Variants in LPIN1 observed in about 807,000 individuals in gnomAD.
LPIN1 encodes lipin 1.
In LPIN1, 71 loss-of-function variants were observed where a neutral mutation model predicts 107.5. The observed-to-expected ratio is 0.66, with a 90% CI of 0.55 to 0.80. The LOEUF is 0.80. Ranked by LOEUF, LPIN1 falls within the 30% of genes least tolerant of loss-of-function variation. LPIN1 has a pLI of 0.00. For missense variants in LPIN1, 1,043 were observed against 1,160.6 expected (o/e 0.90, Z 1.47); for synonymous variants, 445 against 452.6 (o/e 0.98, Z 0.21).
At chr2:11,778,135 C>T (rs555272685) in intron 6 of LPIN1, among the ~76,000 whole-genome samples, 23 of 101,942 alleles carry the variant, frequency 2.3e-4, no homozygotes, top group Admixed American at 1.3e-3. Flanking sequence ...CCCACATGGA[C>T]GTGGGGGGGC....
chr2:11,774,647 T>C lies in LPIN1; in HGVS notation c.722+902T>C, dbSNP rs1572738068. Among the ~76,000 whole-genome samples the C allele has an allele frequency of 6.6e-6, 1 of 152,186 alleles. No homozygotes were observed. The highest frequency in any genetic ancestry group is 2.1e-4 in the South Asian group (1 of 4,832). ...GTTCATGGTGCCAGCCCTTAGAAACTCTGGGTTCCTACCTGAAGCCGGTCT... is the reference window on the plus strand; with the variant it reads ...GTTCATGGTGCCAGCCCTTAGAAACCCTGGGTTCCTACCTGAAGCCGGTCT... On this transcript the variant is annotated intron_variant, in intron 5 of 20. Transcript: ENST00000674199. This position sits in a 1 kb window ranked among gnomAD's most constrained non-coding sequence, Gnocchi z 4.4.
At position 11,815,145 on chromosome 2, in the gene LPIN1, G is replaced by A. The variant is rs766830031; in HGVS notation, c.2307G>A (p.Thr769=). 9.3e-6 allele frequency: 15 copies of A among 1,614,030 alleles called. No individual in the cohort carries two copies. Among genetic ancestry groups the A allele is most frequent in the African/African-American group, 4.0e-5 (3 of 74,922 alleles). The part of the protein sequence containing the change: ...SARAIGMADM[T]RGYLHWVNER... ...GTGCCATCGGGATGGCGGACATGAC[G>A]CGGGGCTACCTGCACTGGGTCAACG... Residue 769 remains threonine, a synonymous_variant, in exon 18 of 21, where the codon ACG becomes ACA. Coordinates refer to ENST00000674199, the MANE Select transcript of LPIN1 (RefSeq NM_001349206.2).
chr2:11,771,054 G>A lies in LPIN1; in HGVS notation c.289-318G>A, dbSNP rs1159642202. 2.6e-5 allele frequency among the ~76,000 whole-genome samples: 4 copies of A among 152,108 alleles called. No individual in the cohort carries two copies. The highest frequency in any genetic ancestry group is 5.9e-5 in the Non-Finnish European group (4 of 68,026). ...GAGTCAAAGCCCATTTTTTTCCTCT[G>A]TGCTCTGGGTATTACAGCCAAAGTT... is the stretch of plus-strand genomic sequence containing the variant. On this transcript the variant is annotated intron_variant, in intron 3 of 20. Transcript: ENST00000674199. The surrounding 1 kb of genome is among the most constrained non-coding windows in gnomAD (Gnocchi z 4.8).
At chr2:11,785,154 G>A (rs923960190) in intron 10 of LPIN1, 78 bp downstream of exon 10, 36 of 1,104,336 alleles carry the variant, frequency 3.3e-5, no homozygotes, top group Non-Finnish European at 4.2e-5. Context: ...TCCAAGGAGT[G>A]CGTGTCAAGG....
intron 1 of LPIN1, among the ~76,000 whole-genome samples, chr2:11,760,088 CG>C (rs1416524873): frequency 7.1e-6 from 1 of 141,252 alleles, no homozygotes; most frequent in African/African-American, 2.7e-5. Context: ...GACGGGGCGG[CG>C]GGGCAGAGGC....
intron 1 of LPIN1, among the ~76,000 whole-genome samples, chr2:11,695,838 G>A (rs1178796224): frequency 1.3e-5 from 2 of 152,108 alleles, no homozygotes; most frequent in Non-Finnish European, 2.9e-5. Context: ...TCCATTTTGG[G>A]TTGGTCTGTT....
At chr2:11,785,666 A>T (rs114240535) in intron 10 of LPIN1, among the ~76,000 whole-genome samples, 2,028 of 151,330 alleles carry the variant, frequency 0.013, 36 homozygotes, top group African/African-American at 0.047. Context: ...CTCTCTCACC[A>T]CTGCCTCTTT....
At chr2:11,795,384 A>C in intron 13 of LPIN1, 24 bp from the exon 14 acceptor site, 1 of 1,602,220 alleles carries the variant, frequency 6.2e-7, no homozygotes, top group Non-Finnish European at 8.5e-7. Context: ...TACTTCTGTG[A>C]CTCTTTCTTT....
At position 11,787,121 on chromosome 2, in the gene LPIN1, C is replaced by G. The variant is rs774065861; in HGVS notation, c.1597C>G (p.Pro533Ala). 1.2e-6 allele frequency: 2 copies of G among 1,614,100 alleles called. No homozygotes were observed. Among genetic ancestry groups the G allele is most frequent in the Admixed American group, 3.3e-5 (2 of 60,016 alleles). ...AVSYQQFVDN[P>A]AIIDDPNLVV... ...GTCATATCAACAGTTTGTGGACAAC[C>G]CCGCTATTATCGATGACCCCAATCT... Residue 533 changes from proline to alanine, a missense_variant, in exon 11 of 21, where the codon CCC (proline) becomes GCC (alanine). Pro to Ala is a conservative substitution (Grantham distance 27). Coordinates refer to ENST00000674199, the MANE Select transcript of LPIN1 (RefSeq NM_001349206.2).
At chr2:11,680,601 A>C (rs1420377751) in intron 1 of LPIN1, among the ~76,000 whole-genome samples, 1 of 152,098 alleles carries the variant, frequency 6.6e-6, no homozygotes. Context: ...CTGGCCTTGG[A>C]GGAGGAATAG....
At chr2:11,756,427 C>T (rs1051445015) in intron 1 of LPIN1, among the ~76,000 whole-genome samples, 1 of 152,114 alleles carries the variant, frequency 6.6e-6, no homozygotes, top group Non-Finnish European at 1.5e-5. Context: ...CTCACTCTGT[C>T]GCCCAGGCTG....
At chr2:11,722,394 C>T (rs1463738902), upstream of LPIN1, 1 of 152,264 alleles carries the variant, frequency 6.6e-6, no homozygotes, top group Non-Finnish European at 1.5e-5. Flanking sequence ...ACACTTAGAC[C>T]ATGGTTTGGT....
At chr2:11,784,173 A>G (rs1410302383) in intron 9 of LPIN1, 12 of 730,926 alleles carry the variant, frequency 1.6e-5, no homozygotes, top group Non-Finnish European at 2.4e-5. Flanking sequence ...ACGTGCTGGC[A>G]TGCACCTGTA....
chr2:11,727,170 G>T (rs1176450339), intron 1 of LPIN1, among the ~76,000 whole-genome samples: 1 of 152,178 alleles, frequency 6.6e-6, no homozygotes, highest in Admixed American at 6.5e-5. Context: ...GGATCCTGCT[G>T]CAGTAGTGAT....
intron 1 of LPIN1, among the ~76,000 whole-genome samples, chr2:11,751,498 G>A (rs1667781205): frequency 6.6e-6 from 1 of 152,186 alleles, no homozygotes; most frequent in Non-Finnish European, 1.5e-5. Context: ...ATCTTGTTTT[G>A]TATGTATCTC....
In LPIN1 at chr2:11,803,921, C is replaced by T. The variant is rs1282643530; in HGVS notation, c.2014-502C>T. Among the ~76,000 whole-genome samples, 1 of 152,122 alleles carries T rather than the reference C, an allele frequency of 6.6e-6. No homozygotes were observed. Among genetic ancestry groups the T allele is most frequent in the African/African-American group, 2.4e-5 (1 of 41,396 alleles). ...TCTGGATATGAGGCATGACTGATAA[C>T]CAAGACTTCTCTTTTTCCAATTCGT... On this transcript the variant is annotated intron_variant, in intron 15 of 20. Transcript: ENST00000674199. The surrounding 1 kb of genome is among the most constrained non-coding windows in gnomAD (Gnocchi z 4.2).
Position 11,815,245 on chromosome 2 carries a change from C to T in LPIN1, c.2402+5C>T, listed in dbSNP as rs767964524. The stretch of plus-strand genomic sequence containing the variant: ...CCTCTTCTCTGCCCTGCACAGGTAC[C>T]AGGCCTGCTCCCTGCACCTCCATCT... On this transcript the variant is annotated splice_donor_5th_base_variant and intron_variant, in intron 18 of 20. Coordinates refer to ENST00000674199, the MANE Select transcript of LPIN1 (RefSeq NM_001349206.2). 6.2e-7 allele frequency: 1 copy of T among 1,613,708 alleles called. No individual in the cohort carries two copies.
At chr2:11,801,714 G>A (rs763763454) in intron 14 of LPIN1, among the ~76,000 whole-genome samples, 5 of 152,020 alleles carry the variant, frequency 3.3e-5, no homozygotes, top group Non-Finnish European at 4.4e-5. Context: ...TATAGTTAAC[G>A]GCAATTTATT....
chr2:11,795,464 G>A lies in LPIN1; in HGVS notation c.1863G>A (p.Pro621=), dbSNP rs772079983. The A allele has an allele frequency of 1.2e-5, 19 of 1,614,012 alleles. No homozygotes were observed. In the Admixed American group the frequency reaches 1.8e-4, roughly 16 times the overall value. Residue 621 remains proline, a synonymous_variant, in exon 14 of 21, where the codon CCG becomes CCA. Transcript: ENST00000674199. ...AGGCCCATAGCACCGGAGAGCAACC[G>A]CCGCAGCTCAGCTTGGCCACCAGGT... ...AGKAHSTGEQ[P]PQLSLATRVK...
Sources: gnomAD v4.1 joint callset for allele counts (sites outside exome capture counted in the v4.1 genomes callset) on GRCh38, gnomAD v4.1.1 for gene constraint, Gnocchi (gnomAD v3.1) non-coding constraint, MANE v1.5 for transcripts, NCBI Gene and HGNC (gene_info 2026-07-23, HGNC 2026-07-21) for gene names.